APP: variants seen among roughly 807,000 people sequenced by gnomAD.
The protein encoded by APP is amyloid-beta precursor protein.
In APP, 31 loss-of-function variants were observed where a neutral mutation model predicts 101.4. The ratio of observed to expected loss-of-function variants is 0.31; its 90% CI spans 0.23 to 0.41. The LOEUF is 0.41. APP is among the 10% of genes least tolerant of loss of function. The probability of loss-of-function intolerance (pLI) is 1.00; values close to 1 mark genes in which losing one functional copy is unlikely to be tolerated. For missense variants in APP, 839 were observed against 1,003.7 expected (o/e 0.84, Z 2.22); for synonymous variants, 366 against 364.4 (o/e 1.00, Z -0.05).
intron 3 of APP, among the ~76,000 whole-genome samples, chr21:26,085,431 C>T (rs563057994): frequency 6.6e-6 from 1 of 152,274 alleles, no homozygotes; most frequent in Admixed American, 6.5e-5. Flanking sequence ...ATGCATCTCC[C>T]ATGACTTCAA....
intron 1 of APP, among the ~76,000 whole-genome samples, chr21:26,135,150 G>A (rs1601545032): frequency 6.6e-6 from 1 of 152,258 alleles, no homozygotes; most frequent in East Asian, 1.9e-4. Flanking sequence ...ATTATGCTCT[G>A]TGCATAATAA....
chr21:26,089,747 G>A lies in APP; in HGVS notation c.355+196C>T, dbSNP rs45577733. On this transcript the variant is annotated intron_variant, in intron 3 of 17. Coordinates refer to ENST00000346798, the MANE Select transcript of APP (RefSeq NM_000484.4). ...ACACCCTGGGTAAATTCATTCTGAG[G>A]CAGGGAACTCAAAAATACTGCTCCT... 0.058 allele frequency: 37,518 copies of A among 647,328 alleles called. 1,335 individuals carry two copies. The highest frequency in any genetic ancestry group is 0.095 in the East Asian group (3,006 of 31,526). The allele number at this position is 647,328 out of a possible 1,614,324, so 40.1% of individuals were successfully genotyped here.
intron 14 of APP, among the ~76,000 whole-genome samples, chr21:25,909,286 A>C (rs977651258): frequency 2.0e-5 from 3 of 151,986 alleles, no homozygotes; most frequent in Non-Finnish European, 4.4e-5. Flanking sequence ...AAAAAAAAAA[A>C]AAATTGCTTA....
chr21:26,083,882 G>A (rs1356616106), intron 3 of APP, among the ~76,000 whole-genome samples: 1 of 151,972 alleles, frequency 6.6e-6, no homozygotes, highest in Non-Finnish European at 1.5e-5. Flanking sequence ...CAGTAAAGAA[G>A]ACAAAACTGA....
At chr21:26,134,400 C>T (rs753650199) in intron 1 of APP, among the ~76,000 whole-genome samples, 1 of 152,178 alleles carries the variant, frequency 6.6e-6, no homozygotes, top group South Asian at 2.1e-4. Context: ...CCCCTTACTT[C>T]GTTTTGATTC....
At position 25,911,823 on chromosome 21, in the gene APP, C is replaced by G. The variant is rs201858248; in HGVS notation, c.1827G>C (p.Val609=). 4.3e-5 allele frequency: 70 copies of G among 1,614,042 alleles called. No homozygotes were observed. Among genetic ancestry groups the G allele is most frequent in the Non-Finnish European group, 4.6e-5 (54 of 1,180,040 alleles). Residue 609 remains valine (V), a synonymous_variant, in exon 14 of 18, where the codon GTG becomes GTC. Transcript: ENST00000346798. ...GATCGTCCAGGCTGAACTCTCCATT[C>G]ACGGGAAGGAGCTCCACGGTGGTTT... ...ETKTTVELLP[V]NGEFSLDDLQ... is the part of the protein sequence containing the mutation.
upstream of APP, chr21:26,170,789 C>T (rs1021469747): frequency 1.7e-5 from 12 of 691,284 alleles, no homozygotes; most frequent in Non-Finnish European, 2.4e-5. Context: ...AGCGCGGCGG[C>T]GGGGCTCAGA....
At chr21:26,006,163 A>G (rs2043522151) in intron 6 of APP, among the ~76,000 whole-genome samples, 1 of 152,226 alleles carries the variant, frequency 6.6e-6, no homozygotes, top group Non-Finnish European at 1.5e-5. Flanking sequence ...TCAGAAAAAT[A>G]AAAGCAAGAA....
rs1477489193 is a variant in APP, at chr21:25,881,006, C to T, written c.*664G>A. 8.5e-6 allele frequency: 1 copy of T among 116,990 alleles called. No individual in the cohort carries two copies. The highest frequency in any genetic ancestry group is 1.7e-5 in the Non-Finnish European group (1 of 58,260). 7.2% of individuals were successfully genotyped at this position (116,990 alleles called of 1,614,324 possible). A position where few individuals can be genotyped will look rare whatever the true frequency, so the allele number is the denominator to read the frequency against. On this transcript the variant is annotated 3_prime_UTR_variant, in exon 18 of 18. Coordinates refer to ENST00000346798, the MANE Select transcript of APP (RefSeq NM_000484.4). ...TTTCTTTATCAAAGACCCAAAGATA[C>T]GTGGACAAAAAAAGAAAAGCTTGAA...
chr21:25,882,177 TGGAG>T (rs2037033117), intron 17 of APP, among the ~76,000 whole-genome samples: 1 of 151,826 alleles, frequency 6.6e-6, no homozygotes, highest in South Asian at 2.1e-4. Flanking sequence ...AAGAGTATCA[TGGAG>T]GGAGATTCAG....
chr21:26,108,613 GC>G (rs200719285), intron 2 of APP, among the ~76,000 whole-genome samples: 6 of 146 alleles, frequency 0.041, no homozygotes, highest in South Asian at 0.17. Flanking sequence ...TAGGCCGGGT[GC>G]GGGTGGCTCA....
intron 2 of APP, among the ~76,000 whole-genome samples, chr21:26,091,974 T>TTGGA (rs1434920647): frequency 6.6e-6 from 1 of 152,132 alleles, no homozygotes; most frequent in Admixed American, 6.5e-5. Flanking sequence ...TCCATGACAT[T>TTGGA]CAGAGGGCTT....
At chr21:25,920,200 C>CCTG (rs2039561249) in intron 13 of APP, among the ~76,000 whole-genome samples, 1 of 151,718 alleles carries the variant, frequency 6.6e-6, no homozygotes, top group South Asian at 2.1e-4. Flanking sequence ...CACCACCAGG[C>CCTG]CTGCCCTAAA....
chr21:25,914,983 C>T (rs572868687), intron 13 of APP, among the ~76,000 whole-genome samples: 84 of 152,326 alleles, frequency 5.5e-4, no homozygotes, highest in African/African-American at 1.9e-3. Flanking sequence ...TTTTATTTTA[C>T]GTTTGGTTCC....
chr21:26,082,543 GA>G (rs1486129920), intron 3 of APP, among the ~76,000 whole-genome samples: 3 of 152,120 alleles, frequency 2.0e-5, no homozygotes, highest in Non-Finnish European at 4.4e-5. Flanking sequence ...AAACAGTAAT[GA>G]TTTTTAAAAA....
At chr21:26,054,433 TC>T (rs1044670473) in intron 3 of APP, among the ~76,000 whole-genome samples, 2 of 151,972 alleles carry the variant, frequency 1.3e-5, no homozygotes, top group Admixed American at 1.3e-4. Flanking sequence ...TGAGGGAGCC[TC>T]CTGTGCAAAG....
chr21:25,949,720 T>A (rs1171392499), intron 13 of APP, among the ~76,000 whole-genome samples: 1 of 152,146 alleles, frequency 6.6e-6, no homozygotes, highest in African/African-American at 2.4e-5. Flanking sequence ...AGTAGAGATA[T>A]AAACAAATAA....
intron 15 of APP, 127 bp downstream of exon 15, chr21:25,904,897 A>G: frequency 1.2e-6 from 1 of 818,078 alleles, no homozygotes; most frequent in Non-Finnish European, 2.1e-6. Context: ...TTTGGTTTCT[A>G]AGGTCACTTC....
chr21:26,113,045 G>A (rs1270097036), intron 1 of APP, among the ~76,000 whole-genome samples: 5 of 152,008 alleles, frequency 3.3e-5, no homozygotes, highest in Non-Finnish European at 7.4e-5. Flanking sequence ...CACTTAACAG[G>A]TTCTGGTATC....
Sources: gnomAD v4.1 joint callset for allele counts (sites outside exome capture counted in the v4.1 genomes callset) on GRCh38, gnomAD v4.1.1 for gene constraint, MANE v1.5 for transcripts, NCBI Gene and HGNC (gene_info 2026-07-23, HGNC 2026-07-21) for gene names.